OSBPL1A: variants seen among roughly 807,000 people sequenced by gnomAD.
OSBPL1A encodes the protein oxysterol-binding protein-related protein 1.
OSBPL1A carries 80 observed loss-of-function variants against 137.1 expected under a neutral mutation model. The ratio of observed to expected loss-of-function variants is 0.58; its 90% CI spans 0.49 to 0.70. OSBPL1A has a LOEUF of 0.70. OSBPL1A is among the 30% of genes least tolerant of loss of function. The pLI is 0.00. For missense variants in OSBPL1A, 970 were observed against 1,129.4 expected, an observed-to-expected ratio of 0.86 and a Z score of 2.02; for synonymous variants, 365 against 389.7, an observed-to-expected ratio of 0.94 and a Z score of 0.75.
chr18:24,185,917 A>C (rs2086734915), intron 18 of OSBPL1A, among the ~76,000 whole-genome samples: 1 of 152,036 alleles, frequency 6.6e-6, no homozygotes. Flanking sequence ...AAATTTAGAA[A>C]ACTAGCTAAG....
intron 4 of OSBPL1A, among the ~76,000 whole-genome samples, chr18:24,355,559 C>T (rs75338370): frequency 0.012 from 1,853 of 152,206 alleles, 36 homozygotes; most frequent in African/African-American, 0.041. Flanking sequence ...CACTTCTGGC[C>T]TCTTGACATC....
At chr18:24,302,173 GCA>G (rs1365627486) in intron 14 of OSBPL1A, among the ~76,000 whole-genome samples, 1 of 149,872 alleles carries the variant, frequency 6.7e-6, no homozygotes, top group Non-Finnish European at 1.5e-5. Context: ...GGCGGAGCTT[GCA>G]GTGAGCCAAG....
intron 4 of OSBPL1A, among the ~76,000 whole-genome samples, chr18:24,352,965 A>G (rs1007254309): frequency 6.6e-6 from 1 of 152,040 alleles, no homozygotes; most frequent in Non-Finnish European, 1.5e-5. Flanking sequence ...TAAAAACCCT[A>G]GTAAGAAAAC....
intron 4 of OSBPL1A, among the ~76,000 whole-genome samples, chr18:24,360,905 C>T (rs528696429): frequency 1.3e-4 from 20 of 152,252 alleles, no homozygotes; most frequent in East Asian, 3.9e-4. Context: ...CACCCTCACA[C>T]CTGAACTGGA....
At position 24,185,507 on chromosome 18, in the gene OSBPL1A, G is replaced by A. The variant is rs187825343; in HGVS notation, c.1678-4228C>T. ...GCTAATTTTTTGTATCTTTAGTAGA[G>A]ACGAGGTTTCACCACGTTGGCAAGG... On this transcript the variant is annotated intron_variant, in intron 18 of 27. Transcript: ENST00000319481. Among the ~76,000 whole-genome samples the A allele has an allele frequency of 3.3e-5, 5 of 152,118 alleles. No individual in the cohort carries two copies. The East Asian group carries it at 5.8e-4, about 18-fold the overall frequency.
At chr18:24,176,258 A>C (rs995760480) in intron 21 of OSBPL1A, among the ~76,000 whole-genome samples, 20 of 152,342 alleles carry the variant, frequency 1.3e-4, no homozygotes, top group African/African-American at 4.6e-4. Context: ...TGAGGGGTGA[A>C]CTGACATCTT....
chr18:24,246,758 T>A (rs531100225), intron 15 of OSBPL1A, among the ~76,000 whole-genome samples: 1 of 137,200 alleles, frequency 7.3e-6, no homozygotes, highest in Non-Finnish European at 1.5e-5. Flanking sequence ...ACCACTGCAC[T>A]CCATCCTGGG....
At position 24,162,364 on chromosome 18, in the gene OSBPL1A, C is replaced by T. The variant is rs1308493160; in HGVS notation, c.*815G>A. The T allele has an allele frequency of 6.6e-6, 1 of 152,208 alleles. No individual in the cohort carries two copies. The allele number at this position is 152,208 out of a possible 1,614,324, so 9.4% of individuals were successfully genotyped here. A position where few individuals can be genotyped will look rare whatever the true frequency, so the allele number is the denominator to read the frequency against. ...GAGTGCAACTTACTTTCCCTAGTGG[C>T]ATTTGCCACTGGAAGTGGAAGCATT... is the stretch of plus-strand genomic sequence containing the variant. On this transcript the variant is annotated 3_prime_UTR_variant, in exon 28 of 28. Coordinates refer to ENST00000319481, the MANE Select transcript of OSBPL1A (RefSeq NM_080597.4).
chr18:24,347,075 T>C (rs182752887), intron 4 of OSBPL1A, among the ~76,000 whole-genome samples: 3 of 145,472 alleles, frequency 2.1e-5, no homozygotes, highest in Admixed American at 2.0e-4. Flanking sequence ...TTAGGAATTA[T>C]GCTGCTATGA....
At chr18:24,321,430 G>A (rs370220505) in intron 7 of OSBPL1A, among the ~76,000 whole-genome samples, 4 of 152,152 alleles carry the variant, frequency 2.6e-5, no homozygotes, top group Non-Finnish European at 5.9e-5. Flanking sequence ...CCTGGTAGCT[G>A]GAACTGCAGT....
chr18:24,327,566 C>T (rs533293220), intron 7 of OSBPL1A, among the ~76,000 whole-genome samples: 14 of 152,266 alleles, frequency 9.2e-5, no homozygotes, highest in African/African-American at 2.4e-4. Context: ...CCTGCCACCA[C>T]ACCCGGCTAA....
intron 15 of OSBPL1A, among the ~76,000 whole-genome samples, chr18:24,262,728 G>GCCCCTTTCACGGTCACTCTCCCCCATGTT (rs1360527477): frequency 1.7e-5 from 2 of 115,054 alleles, no homozygotes; most frequent in African/African-American, 7.0e-5. Context: ...GTTCTCATGT[G>GCCCCTTTCACGGTCACTCTCCCCCATGTT]CCCCTTTCAC....
chr18:24,175,252 C>G (rs1360188151), intron 21 of OSBPL1A, among the ~76,000 whole-genome samples: 2 of 150,934 alleles, frequency 1.3e-5, no homozygotes, highest in Non-Finnish European at 2.9e-5. Context: ...ATGGCGCAAT[C>G]ATGGCTCACT....
chr18:24,366,880 A>G lies in OSBPL1A; in HGVS notation c.282+12T>C. 1 of 1,607,162 alleles carries G rather than the reference A, an allele frequency of 6.2e-7. No homozygotes were observed. Among genetic ancestry groups the G allele is most frequent in the Non-Finnish European group, 8.5e-7 (1 of 1,176,752 alleles). ...CCTCACTTACAAACATTGAACATAG[A>G]ATGATTTTCACCTTTCGTCCTGTAA... On this transcript the variant is annotated intron_variant, in intron 4 of 27. Coordinates refer to ENST00000319481, the MANE Select transcript of OSBPL1A (RefSeq NM_080597.4).
intron 18 of OSBPL1A, among the ~76,000 whole-genome samples, chr18:24,187,384 G>A (rs1194483962): frequency 6.6e-6 from 1 of 152,150 alleles, no homozygotes; most frequent in African/African-American, 2.4e-5. Context: ...TGAAGGTGGT[G>A]CCTTTTTTGT....
chr18:24,261,085 T>C (rs953483080), intron 15 of OSBPL1A, among the ~76,000 whole-genome samples: 7 of 152,180 alleles, frequency 4.6e-5, no homozygotes, highest in East Asian at 1.9e-4. Context: ...GAGTTAACTA[T>C]TGATACATTC....
chr18:24,239,457 T>C, intron 15 of OSBPL1A, 75 bp from the exon 16 acceptor site: 1 of 1,371,736 alleles, frequency 7.3e-7, no homozygotes, highest in Non-Finnish European at 1.0e-6. Flanking sequence ...ATGTGAAAAT[T>C]AATTGCTTTT....
chr18:24,305,808 A>G (rs2090489096), intron 13 of OSBPL1A, among the ~76,000 whole-genome samples: 1 of 152,180 alleles, frequency 6.6e-6, no homozygotes, highest in Admixed American at 6.5e-5. Context: ...GATAGTGAAC[A>G]AGCCGCATAG....
At chr18:24,309,067 A>G (rs2090565177) in intron 13 of OSBPL1A, among the ~76,000 whole-genome samples, 1 of 152,090 alleles carries the variant, frequency 6.6e-6, no homozygotes, top group African/African-American at 2.4e-5. Context: ...CACCGTGCCC[A>G]GCTGAATAAC....
Sources: allele counts gnomAD v4.1 joint callset (sites outside exome capture counted in the v4.1 genomes callset), GRCh38; gene constraint gnomAD v4.1.1; transcripts MANE v1.5; gene names NCBI Gene and HGNC (gene_info 2026-07-23, HGNC 2026-07-21).